RSU1: variants seen among roughly 807,000 people sequenced by gnomAD.
RSU1 encodes the protein Ras suppressor protein 1.
Under a neutral mutation model 31.1 loss-of-function variants are expected in RSU1, and 26 were observed. The ratio of observed to expected loss-of-function variants is 0.84; its 90% CI spans 0.61 to 1.16. The LOEUF (loss-of-function observed/expected upper bound fraction) is 1.16. Ranked by LOEUF, RSU1 falls within the 50% of genes most tolerant of loss-of-function variation. The pLI is 0.00. For synonymous variants in RSU1, 164 were observed against 136.3 expected, an observed-to-expected ratio of 1.20 and a Z score of -1.41; for missense variants, 320 against 339.1, an observed-to-expected ratio of 0.94 and a Z score of 0.44.
intron 3 of RSU1, among the ~76,000 whole-genome samples, chr10:16,772,641 G>GAAAAAAA (rs60460081): frequency 0.015 from 943 of 64,662 alleles, 41 homozygotes; most frequent in African/African-American, 0.049. Flanking sequence ...AGTAGAATAT[G>GAAAAAAA]AAAAAAAAAA....
At chr10:16,789,910 T>G (rs576423228) in intron 2 of RSU1, among the ~76,000 whole-genome samples, 2 of 152,246 alleles carry the variant, frequency 1.3e-5, no homozygotes, top group Non-Finnish European at 2.9e-5. Flanking sequence ...GAAAACGTGT[T>G]GACGTGCACA....
intron 8 of RSU1, among the ~76,000 whole-genome samples, chr10:16,661,287 CGTGTGTGTGT>C (rs56675037): frequency 0.044 from 5,822 of 132,856 alleles, 367 homozygotes; most frequent in African/African-American, 0.16. Context: ...GTAGAGAGTG[CGTGTGTGTGT>C]GTGTGTGTGT....
chr10:16,659,854 T>C (rs1262244026), intron 8 of RSU1, among the ~76,000 whole-genome samples: 1 of 152,238 alleles, frequency 6.6e-6, no homozygotes, highest in Admixed American at 6.5e-5. Flanking sequence ...GGTCTAACTA[T>C]ATATGTATTA....
At chr10:16,649,895 C>T (rs959990459) in intron 8 of RSU1, among the ~76,000 whole-genome samples, 3 of 152,122 alleles carry the variant, frequency 2.0e-5, no homozygotes, top group African/African-American at 7.2e-5. Context: ...AAAAACCAGG[C>T]CCTAACACTA....
intron 8 of RSU1, among the ~76,000 whole-genome samples, chr10:16,625,375 T>G (rs372308758): frequency 3.3e-5 from 5 of 152,202 alleles, no homozygotes; most frequent in East Asian, 1.9e-4. Flanking sequence ...ACGAAAACAG[T>G]GGGGACTTTT....
At chr10:16,762,311 A>ATAT (rs1837224985) in intron 4 of RSU1, among the ~76,000 whole-genome samples, 1 of 147,270 alleles carries the variant, frequency 6.8e-6, no homozygotes, top group Non-Finnish European at 1.5e-5. Context: ...TATATATATA[A>ATAT]AATAGATATA....
intron 8 of RSU1, among the ~76,000 whole-genome samples, chr10:16,639,530 T>C (rs1834403487): frequency 6.6e-6 from 1 of 152,196 alleles, no homozygotes; most frequent in Non-Finnish European, 1.5e-5. Context: ...AACAAATCTA[T>C]GCACAGAACT....
At chr10:16,816,263 G>A (rs1838528449) in intron 2 of RSU1, among the ~76,000 whole-genome samples, 1 of 152,324 alleles carries the variant, frequency 6.6e-6, no homozygotes, top group East Asian at 1.9e-4. Context: ...AGCAGGTGCA[G>A]CAGCTGGCCC....
At position 16,718,990 on chromosome 10, in the gene RSU1, A is replaced by C. The variant is rs531364750; in HGVS notation, c.599-23835T>G. Among the ~76,000 whole-genome samples the C allele has an allele frequency of 5.3e-5, 8 of 151,802 alleles. No individual in the cohort carries two copies. In the East Asian group the frequency reaches 1.6e-3, roughly 29 times the overall value. ...AGAGTGAAACTTCATCTCAAAAAAA[A>C]AAAAAAAAAATTATGTTGGCTGGGC... On this transcript the variant is annotated intron_variant, in intron 7 of 8. Transcript: ENST00000345264.
At chr10:16,755,840 G>A (rs1430489630) in intron 4 of RSU1, among the ~76,000 whole-genome samples, 1 of 152,102 alleles carries the variant, frequency 6.6e-6, no homozygotes. Flanking sequence ...GAGAAGGTGT[G>A]GTATGTTGTC....
chr10:16,610,820 G>A (rs1368320720), intron 8 of RSU1, among the ~76,000 whole-genome samples: 1 of 152,112 alleles, frequency 6.6e-6, no homozygotes, highest in African/African-American at 2.4e-5. Flanking sequence ...CAAAACTGGT[G>A]CCTGGTGCCA....
intron 8 of RSU1, among the ~76,000 whole-genome samples, chr10:16,627,016 A>G (rs1433846119): frequency 6.6e-6 from 1 of 152,246 alleles, no homozygotes. Flanking sequence ...GTAAGAATGT[A>G]TACTGATATT....
At chr10:16,802,531 T>C (rs1018011941) in intron 2 of RSU1, among the ~76,000 whole-genome samples, 2 of 152,120 alleles carry the variant, frequency 1.3e-5, no homozygotes, top group African/African-American at 2.4e-5. Flanking sequence ...CTACAATACC[T>C]TTCACAAAAT....
In RSU1 at chr10:16,738,625, G is replaced by A. The variant is rs187007507; in HGVS notation, c.598+13914C>T. ...CTATTTGGACCAATCAATCAAAGGGGGGAAAAATGGAAAACATAAATTAAC... is the reference window on the plus strand; with the variant it reads ...CTATTTGGACCAATCAATCAAAGGGAGGAAAAATGGAAAACATAAATTAAC... On this transcript the variant is annotated intron_variant, in intron 7 of 8. Transcript: ENST00000345264. Among the ~76,000 whole-genome samples, 218 of 152,066 alleles carry A rather than the reference G, an allele frequency of 1.4e-3. 1 individual carries two copies. The highest frequency in any genetic ancestry group is 4.4e-3 in the African/African-American group (184 of 41,472).
At chr10:16,680,801 G>C (rs113796635) in intron 8 of RSU1, among the ~76,000 whole-genome samples, 2,310 of 152,192 alleles carry the variant, frequency 0.015, 60 homozygotes, top group African/African-American at 0.053. Context: ...CATGAGATTT[G>C]GGTGCGGACA....
intron 7 of RSU1, among the ~76,000 whole-genome samples, chr10:16,740,528 C>A (rs1177684307): frequency 6.6e-6 from 1 of 151,992 alleles, no homozygotes; most frequent in East Asian, 1.9e-4. Context: ...TTAAAGACAT[C>A]CAGATTGGAA....
intron 2 of RSU1, among the ~76,000 whole-genome samples, chr10:16,783,734 A>G (rs1837709719): frequency 6.6e-6 from 1 of 151,886 alleles, no homozygotes; most frequent in Non-Finnish European, 1.5e-5. Context: ...CAATACAAAA[A>G]CCTGTTTTCC....
Position 16,603,120 on chromosome 10 carries a change from T to C in RSU1, c.732-9624A>G, listed in dbSNP as rs574993155. Among the ~76,000 whole-genome samples the C allele has an allele frequency of 2.0e-5, 3 of 152,344 alleles. No individual in the cohort carries two copies. In the East Asian group the frequency reaches 5.8e-4, roughly 29 times the overall value. On this transcript the variant is annotated intron_variant, in intron 8 of 8. Coordinates refer to ENST00000345264, the MANE Select transcript of RSU1 (RefSeq NM_012425.4). The stretch of plus-strand genomic sequence containing the variant: ...ATGGCAGCGTGTGTCTGTCACATTC[T>C]TCTCCATTATAACCTGCTTTCTGTT...
intron 7 of RSU1, among the ~76,000 whole-genome samples, chr10:16,717,508 AT>A (rs1480753910): frequency 2.0e-5 from 3 of 152,222 alleles, no homozygotes; most frequent in African/African-American, 7.2e-5. Context: ...AGAAGAAACA[AT>A]GAAAAGAAAA....
Sources: allele counts gnomAD v4.1 joint callset (sites outside exome capture counted in the v4.1 genomes callset), GRCh38; gene constraint gnomAD v4.1.1; transcripts MANE v1.5; gene names NCBI Gene and HGNC (gene_info 2026-07-23, HGNC 2026-07-21).